The following EVC variants were observed in gnomAD, a reference collection of about 807,000 sequenced individuals.
The protein encoded by EVC is EvC ciliary complex subunit 1, also known as evC complex member EVC.
A neutral mutation model predicts 118.9 loss-of-function variants in EVC; 116 were observed. That is an observed-to-expected ratio of 0.98 (90% CI 0.84 to 1.14). EVC has a LOEUF of 1.14. Among genes scored for constraint, EVC ranks in the 50% most tolerant of loss-of-function variants. The pLI is 0.00. For synonymous variants in EVC, 619 were observed against 534.7 expected, an observed-to-expected ratio of 1.16 and a Z score of -2.18; for missense variants, 1,401 against 1,246.4, an observed-to-expected ratio of 1.12 and a Z score of -1.87.
At chr4:5,753,697 A>C (rs1730741566) in intron 9 of EVC, 88 bp from the exon 10 acceptor site, 2 of 1,564,470 alleles carry the variant, frequency 1.3e-6, no homozygotes, top group African/African-American at 1.4e-5. Context: ...AGCTTCCCCA[A>C]CCTCCAGACA....
At position 5,713,150 on chromosome 4, in the gene EVC, G is replaced by C. The variant is rs114789151; in HGVS notation, c.174+1596G>C. Among the ~76,000 whole-genome samples the C allele has an allele frequency of 8.7e-3, 1,329 of 152,338 alleles. 26 individuals carry two copies. The highest frequency in any genetic ancestry group is 0.029 in the African/African-American group (1,214 of 41,574). On this transcript the variant is annotated intron_variant, in intron 1 of 20. Transcript: ENST00000264956. ...CAAGCCATCTGGGTTTGCACAGCTA[G>C]TCAGTTGAGGGTGATGGTGGCTCAG...
At chr4:5,726,792 A>G (rs924249782) in intron 2 of EVC, among the ~76,000 whole-genome samples, 2 of 137,598 alleles carry the variant, frequency 1.5e-5, no homozygotes, top group Non-Finnish European at 3.0e-5. Context: ...TCATTGTTCA[A>G]TTCCCACCTA....
intron 2 of EVC, among the ~76,000 whole-genome samples, chr4:5,720,323 C>G (rs894555798): frequency 1.3e-5 from 2 of 152,150 alleles, no homozygotes; most frequent in Admixed American, 6.6e-5. Context: ...TGAGGCTGAT[C>G]TGATTTATAT....
chr4:5,739,907 A>T (rs888971040), intron 5 of EVC, among the ~76,000 whole-genome samples: 96 of 151,928 alleles, frequency 6.3e-4, no homozygotes, highest in Middle Eastern at 6.8e-3. Flanking sequence ...CTCAAAAAAA[A>T]AAAAAAAAGC....
intron 2 of EVC, among the ~76,000 whole-genome samples, chr4:5,722,629 A>G (rs570961164): frequency 6.6e-6 from 1 of 152,194 alleles, no homozygotes; most frequent in Non-Finnish European, 1.5e-5. Context: ...GCTATTCCAC[A>G]GCCTCCGTCT....
At chr4:5,794,355 TTATG>T (rs1180477987) in intron 13 of EVC, among the ~76,000 whole-genome samples, 1 of 138,048 alleles carries the variant, frequency 7.2e-6, no homozygotes, top group Non-Finnish European at 1.6e-5. Context: ...ATATATATAT[TTATG>T]TATTTATATT....
rs1269990502 is a variant in EVC, at chr4:5,755,497, C to G, written c.1465-767C>G. Among the ~76,000 whole-genome samples the G allele has an allele frequency of 6.6e-6, 1 of 152,164 alleles. No homozygotes were observed. The highest frequency in any genetic ancestry group is 1.5e-5 in the Non-Finnish European group (1 of 68,030). ...CTCCCAGTACACACTCAGCACCCACCTTTTTCCAGTCCCGCCCTTCTCTCT... is the reference window on the plus strand; with the variant it reads ...CTCCCAGTACACACTCAGCACCCACGTTTTTCCAGTCCCGCCCTTCTCTCT... On this transcript the variant is annotated intron_variant, in intron 10 of 20. Coordinates refer to ENST00000264956, the MANE Select transcript of EVC (RefSeq NM_153717.3). The surrounding 1 kb of genome is among the most constrained non-coding windows in gnomAD (Gnocchi z 4.1).
Position 5,731,467 on chromosome 4 carries a change from T to C in EVC, c.427T>C (p.Leu143=). The change falls in exon 4 of 21, where the codon TTA becomes CTA. Residue 143 remains leucine (L), a synonymous_variant. Coordinates refer to ENST00000264956, the MANE Select transcript of EVC (RefSeq NM_153717.3). The surrounding 1 kb of genome is among the most constrained non-coding windows in gnomAD (Gnocchi z 5.6). Reference sequence around the variant, plus strand: ...CTCCAACCCGTCTCTGCATGAAAACTTAAAGCAGGCTGTTTTGCCACACCA... The same window carrying C: ...CTCCAACCCGTCTCTGCATGAAAACCTAAAGCAGGCTGTTTTGCCACACCA... The part of the protein sequence containing the change: ...GSSNPSLHEN[L]KQAVLPHQPV... 6.2e-7 allele frequency: 1 copy of C among 1,613,320 alleles called. No homozygotes were observed. The highest frequency in any genetic ancestry group is 8.5e-7 in the Non-Finnish European group (1 of 1,179,910).
chr4:5,777,040 G>A (rs1264799271), intron 11 of EVC, among the ~76,000 whole-genome samples: 1 of 152,080 alleles, frequency 6.6e-6, no homozygotes, highest in African/African-American at 2.4e-5. Flanking sequence ...CCCATTGTTT[G>A]TGTAGGTCTT....
chr4:5,765,894 T>C (rs943202337), intron 11 of EVC, among the ~76,000 whole-genome samples: 1 of 146,718 alleles, frequency 6.8e-6, no homozygotes, highest in Non-Finnish European at 1.5e-5. Context: ...GAGCATTTAG[T>C]CCATTTACAT....
At chr4:5,823,299 A>C in the EVC span, among the ~76,000 whole-genome samples, 16 of 152,200 alleles carry the variant, frequency 1.1e-4, no homozygotes, top group African/African-American at 2.9e-4. Context: ...CTTTTCTCCC[A>C]TTGTTTCACT....
At chr4:5,827,761 GGCCT>G in the EVC span, among the ~76,000 whole-genome samples, 1 of 133,764 alleles carries the variant, frequency 7.5e-6, no homozygotes, top group Non-Finnish European at 1.5e-5. Context: ...ACACGAAGCT[GGCCT>G]TTCTGGCAAA....
the EVC span, chr4:5,828,104 G>A: frequency 2.5e-5 from 25 of 985,430 alleles, no homozygotes; most frequent in Admixed American, 3.7e-4. Flanking sequence ...TTTCTGAGCC[G>A]TGACTCTGGC....
At chr4:5,771,579 A>C (rs945392070) in intron 11 of EVC, among the ~76,000 whole-genome samples, 1 of 152,200 alleles carries the variant, frequency 6.6e-6, no homozygotes, top group Non-Finnish European at 1.5e-5. Context: ...CACGGAGAAA[A>C]ACAGTACATT....
At position 5,812,072 on chromosome 4, in the gene EVC, C is replaced by G. The variant is rs568194350; in HGVS notation, c.*1035C>G. On this transcript the variant is annotated 3_prime_UTR_variant, in exon 21 of 21. Transcript: ENST00000264956. ...GAGGCCTTTACCACCTGGAGAGAAGCTTCCAGACCAGCCCCTCACACCACA... is the reference window on the plus strand; with the variant it reads ...GAGGCCTTTACCACCTGGAGAGAAGGTTCCAGACCAGCCCCTCACACCACA... 2.0e-5 allele frequency: 3 copies of G among 148,020 alleles called. No homozygotes were observed. The highest frequency in any genetic ancestry group is 8.5e-5 in the African/African-American group (3 of 35,088). The allele number at this position is 148,020 out of a possible 1,614,324, so 9.2% of individuals were successfully genotyped here. A position where few individuals can be genotyped will look rare whatever the true frequency, so the allele number is the denominator to read the frequency against.
intron 5 of EVC, among the ~76,000 whole-genome samples, chr4:5,739,677 G>T (rs972340491): frequency 1.3e-5 from 2 of 152,180 alleles, no homozygotes; most frequent in African/African-American, 4.8e-5. Context: ...CCGCAGAACT[G>T]AGTAGTTGCA....
chr4:5,826,826 C>T, the EVC span: 1 of 152,504 alleles, frequency 6.6e-6, no homozygotes, highest in Admixed American at 6.5e-5. Flanking sequence ...TGACCCCCAG[C>T]TCTGGGCTCC....
chr4:5,777,431 C>G (rs914098205), intron 11 of EVC, among the ~76,000 whole-genome samples: 1 of 152,148 alleles, frequency 6.6e-6, no homozygotes, highest in Non-Finnish European at 1.5e-5. Flanking sequence ...GGTCCTCTGA[C>G]AGCGTCAGGC....
Position 5,737,562 on chromosome 4 carries a change from T to G in EVC, c.702+4127T>G, listed in dbSNP as rs1285271972. Among the ~76,000 whole-genome samples the G allele has an allele frequency of 2.6e-5, 4 of 152,182 alleles. No homozygotes were observed. ...TAGGGGCTAATGCGGGAGATGACTT[T>G]AAGTTGAAGCCAGTGCTCATGCACC... On this transcript the variant is annotated intron_variant, in intron 5 of 20. Coordinates refer to ENST00000264956, the MANE Select transcript of EVC (RefSeq NM_153717.3). The surrounding 1 kb of genome is among the most constrained non-coding windows in gnomAD (Gnocchi z 5.0).
Sources: allele counts gnomAD v4.1 joint callset (sites outside exome capture counted in the v4.1 genomes callset), GRCh38; gene constraint gnomAD v4.1.1; non-coding constraint Gnocchi (gnomAD v3.1); transcripts MANE v1.5; gene names NCBI Gene and HGNC (gene_info 2026-07-23, HGNC 2026-07-21).